Variants in DNAJB14 observed in about 807,000 individuals in gnomAD.
DNAJB14 encodes DnaJ heat shock protein family (Hsp40) member B14.
In DNAJB14, 22 loss-of-function variants were observed where a neutral mutation model predicts 48.4. The observed-to-expected ratio is 0.45, with a 90% confidence interval of 0.32 to 0.65. The LOEUF (loss-of-function observed/expected upper bound fraction) is 0.65. Among genes scored for constraint, DNAJB14 ranks in the 30% least tolerant of loss-of-function variants. The pLI, the probability that DNAJB14 is intolerant of heterozygous loss-of-function variation, is 0.03. For missense variants in DNAJB14, 319 were observed against 458.8 expected, an observed-to-expected ratio of 0.70 and a Z score of 2.78; for synonymous variants, 142 against 158.7, an observed-to-expected ratio of 0.89 and a Z score of 0.79.
chr4:99,905,919 T>G (rs963949294), intron 5 of DNAJB14: 1 of 1,334,096 alleles, frequency 7.5e-7, no homozygotes, highest in Non-Finnish European at 9.8e-7. Flanking sequence ...CTGATAAAAT[T>G]TGATTTCATT....
chr4:99,943,635 C>T (rs765949214), intron 1 of DNAJB14, among the ~76,000 whole-genome samples: 3 of 152,128 alleles, frequency 2.0e-5, no homozygotes, highest in East Asian at 1.9e-4. Context: ...AAGCTAAAGG[C>T]TAGAGAGGTT....
At chr4:99,940,943 A>G (rs1726868308) in intron 1 of DNAJB14, among the ~76,000 whole-genome samples, 1 of 150,844 alleles carries the variant, frequency 6.6e-6, no homozygotes, top group South Asian at 2.1e-4. Flanking sequence ...ATCCCTATAT[A>G]TATATATATT....
intron 1 of DNAJB14, among the ~76,000 whole-genome samples, chr4:99,939,172 G>A (rs1348166514): frequency 4.6e-5 from 7 of 152,182 alleles, no homozygotes; most frequent in Non-Finnish European, 8.8e-5. Flanking sequence ...GACCAGCCTG[G>A]CCAACATGGG....
chr4:99,946,565 C>T lies in DNAJB14; in HGVS notation c.7G>A (p.Gly3Arg), dbSNP rs1727087914. The T allele has an allele frequency of 1.2e-6, 2 of 1,613,606 alleles. No individual in the cohort carries two copies. Among genetic ancestry groups the T allele is most frequent in the Non-Finnish European group, 1.7e-6 (2 of 1,179,668 alleles). Reference sequence around the variant, plus strand: ...CATTTCTCAGCCTCATCCCTGTTCCCCTCCATAGCTTGCTCCTTCTTCCGT... The same window carrying T: ...CATTTCTCAGCCTCATCCCTGTTCCTCTCCATAGCTTGCTCCTTCTTCCGT... MEGNRDEAEKCVE... is the reference protein window; with the variant it reads MERNRDEAEKCVE... The change falls in exon 1 of 8, where the codon GGG becomes AGG. Residue 3 changes from glycine (G) to arginine (R), a missense_variant. Gly to Arg is a moderately radical substitution (Grantham distance 125, BLOSUM62 -2). This residue lies in a region of DNAJB14 where 116 missense variants were observed against 134.6 expected (regional missense o/e 0.86). Coordinates refer to ENST00000442697, the MANE Select transcript of DNAJB14 (RefSeq NM_001031723.4).
chr4:99,901,558 A>G (rs1344572426), intron 7 of DNAJB14, among the ~76,000 whole-genome samples: 1 of 152,132 alleles, frequency 6.6e-6, no homozygotes, highest in Non-Finnish European at 1.5e-5. Flanking sequence ...CCAAGACTTA[A>G]GTATTTAATA....
At chr4:99,936,117 C>A (rs1726665542) in intron 1 of DNAJB14, among the ~76,000 whole-genome samples, 1 of 152,060 alleles carries the variant, frequency 6.6e-6, no homozygotes, top group Non-Finnish European at 1.5e-5. Context: ...CATGGCTGAG[C>A]TCAAGAGGGC....
chr4:99,939,797 G>A (rs377303635), intron 1 of DNAJB14, among the ~76,000 whole-genome samples: 2 of 152,234 alleles, frequency 1.3e-5, no homozygotes, highest in African/African-American at 4.8e-5. Flanking sequence ...TGATGCCTAA[G>A]AAGATGACTC....
intron 2 of DNAJB14, chr4:99,925,794 T>C (rs1159299285): frequency 6.6e-6 from 1 of 152,076 alleles, no homozygotes; most frequent in Non-Finnish European, 1.5e-5. Context: ...AAGAAGCTAA[T>C]AGAAACAGAG....
chr4:99,941,663 T>C (rs941489111), intron 1 of DNAJB14, among the ~76,000 whole-genome samples: 1 of 152,170 alleles, frequency 6.6e-6, no homozygotes, highest in African/African-American at 2.4e-5. Flanking sequence ...TTCCCAGTTC[T>C]TAGAATATTG....
chr4:99,908,576 CATGAAAAACCATT>C, intron 4 of DNAJB14, 122 bp downstream of exon 4: 2 of 620,714 alleles, frequency 3.2e-6, no homozygotes, highest in Non-Finnish European at 4.9e-6. Context: ...CTCCTGCTTT[CATGAAAAACCATT>C]ACAGGATCGT....
intron 3 of DNAJB14, among the ~76,000 whole-genome samples, chr4:99,920,681 G>A (rs1265946882): frequency 6.6e-6 from 1 of 152,128 alleles, no homozygotes; most frequent in Non-Finnish European, 1.5e-5. Context: ...CTAACTGGAA[G>A]GACAAAATAG....
At chr4:99,913,857 C>G (rs186786230) in intron 3 of DNAJB14, among the ~76,000 whole-genome samples, 1 of 152,174 alleles carries the variant, frequency 6.6e-6, no homozygotes, top group Admixed American at 6.5e-5. Context: ...CTGAACAGTT[C>G]TGTCTTAGTC....
At chr4:99,944,796 C>T (rs965086179) in intron 1 of DNAJB14, among the ~76,000 whole-genome samples, 7 of 152,006 alleles carry the variant, frequency 4.6e-5, no homozygotes, top group Admixed American at 2.0e-4. Flanking sequence ...AGGCTGGTCT[C>T]GAACTCCTCA....
Position 99,903,679 on chromosome 4 carries a change from A to G in DNAJB14, c.1015+47T>C, listed in dbSNP as rs368485449. 7.0e-6 allele frequency: 11 copies of G among 1,563,916 alleles called. No individual in the cohort carries two copies. In the South Asian group the frequency reaches 9.6e-5, roughly 14 times the overall value. On this transcript the variant is annotated intron_variant, in intron 7 of 7. Transcript: ENST00000442697. Reference sequence around the variant, plus strand: ...AGGGAAATCTACATTAATCAGTTCCAAAGACTGCGAATAAGTTTTAAAATG... The same window carrying G: ...AGGGAAATCTACATTAATCAGTTCCGAAGACTGCGAATAAGTTTTAAAATG...
At chr4:99,922,874 C>T in intron 3 of DNAJB14, 166 bp downstream of exon 3, 1 of 697,362 alleles carries the variant, frequency 1.4e-6, no homozygotes, top group Non-Finnish European at 2.2e-6. Flanking sequence ...ATTTGTTTGC[C>T]TTCGGGTATA....
intron 7 of DNAJB14, among the ~76,000 whole-genome samples, chr4:99,902,769 G>GT (rs1725337396): frequency 6.6e-6 from 1 of 152,104 alleles, no homozygotes; most frequent in African/African-American, 2.4e-5. Flanking sequence ...AAATTGTCTG[G>GT]TTTTCAATCA....
chr4:99,907,198 C>T (rs1725496546), intron 4 of DNAJB14, among the ~76,000 whole-genome samples: 1 of 152,148 alleles, frequency 6.6e-6, no homozygotes, highest in Non-Finnish European at 1.5e-5. Context: ...AGAAAATTTA[C>T]TACTGCCTGA....
intron 1 of DNAJB14, among the ~76,000 whole-genome samples, chr4:99,943,110 G>A (rs1726939754): frequency 6.6e-6 from 1 of 152,008 alleles, no homozygotes; most frequent in African/African-American, 2.4e-5. Flanking sequence ...CTGAGTACTG[G>A]CATATAACTT....
rs146722441 is a variant in DNAJB14 at position 99,914,676 on chromosome 4, A to T, written c.452-5780T>A. On this transcript the variant is annotated intron_variant, in intron 3 of 7. Coordinates refer to ENST00000442697, the MANE Select transcript of DNAJB14 (RefSeq NM_001031723.4). ...TATATATAAAATAAAAAATAAAAAT[A>T]AAAATTAAAAAATTTCAATATACCC... Among the ~76,000 whole-genome samples, 310 of 151,902 alleles carry T rather than the reference A, an allele frequency of 2.0e-3. 2 individuals carry two copies. The highest frequency in any genetic ancestry group is 0.016 in the East Asian group (81 of 5,184).
Sources: gnomAD v4.1 joint callset for allele counts (sites outside exome capture counted in the v4.1 genomes callset) on GRCh38, gnomAD v4.1.1 for gene constraint, gnomAD v4.1.1 regional missense constraint, MANE v1.5 for transcripts, NCBI Gene and HGNC (gene_info 2026-07-23, HGNC 2026-07-21) for gene names.